METTL8: variants seen among roughly 807,000 people sequenced by gnomAD.
The protein encoded by METTL8 is tRNA N(3)-cytidine methyltransferase METTL8, mitochondrial.
A neutral mutation model predicts 48.7 loss-of-function variants in METTL8; 32 were observed. That is an observed-to-expected ratio of 0.66 (90% confidence interval 0.50 to 0.88). The LOEUF (loss-of-function observed/expected upper bound fraction) is 0.88, where lower values mean the gene tolerates loss of function less well. METTL8 is among the 40% of genes least tolerant of loss of function. The pLI is 0.00. For missense variants in METTL8, 464 were observed against 474.4 expected, an observed-to-expected ratio of 0.98 and a Z score of 0.20; for synonymous variants, 136 against 157.1, an observed-to-expected ratio of 0.87 and a Z score of 1.01.
intron 3 of METTL8, among the ~76,000 whole-genome samples, chr2:171,357,638 G>A (rs1478098495): frequency 6.6e-6 from 1 of 151,668 alleles, no homozygotes; most frequent in African/African-American, 2.4e-5. Flanking sequence ...TGGAATCCCA[G>A]TCAAAATACC....
chr2:171,332,140 C>A (rs1005363395), intron 5 of METTL8: 2 of 301,598 alleles, frequency 6.6e-6, no homozygotes, highest in African/African-American at 2.1e-5. Flanking sequence ...CCTGCCTCAG[C>A]CTCTCAAACT....
chr2:171,365,024 A>G (rs1685572840), intron 2 of METTL8, among the ~76,000 whole-genome samples: 2 of 152,210 alleles, frequency 1.3e-5, no homozygotes, highest in African/African-American at 4.8e-5. Context: ...TCTTAATTCT[A>G]TAACAAAGTG....
intron 9 of METTL8, among the ~76,000 whole-genome samples, chr2:171,325,209 T>A (rs1684828469): frequency 6.6e-6 from 1 of 151,674 alleles, no homozygotes; most frequent in Middle Eastern, 3.2e-3. Flanking sequence ...TTTTTAGACA[T>A]AAGATTCACT....
At chr2:171,374,663 T>TCCC (rs1393807101) in intron 2 of METTL8, among the ~76,000 whole-genome samples, 4 of 135,280 alleles carry the variant, frequency 3.0e-5, no homozygotes, top group Non-Finnish European at 6.3e-5. Context: ...CCTCCCCTTC[T>TCCC]CCCCACTCAC....
At chr2:171,408,348 G>A (rs1051380505) in intron 1 of METTL8, among the ~76,000 whole-genome samples, 8 of 148,934 alleles carry the variant, frequency 5.4e-5, no homozygotes, top group African/African-American at 1.5e-4. Context: ...AGGCTGGAGT[G>A]CAATGGCAAG....
chr2:171,360,556 A>G lies in METTL8; in HGVS notation c.144-43T>C, dbSNP rs775796625. On this transcript the variant is annotated intron_variant, in intron 2 of 9. Transcript: ENST00000375258. ...ACTGTAAAATATGCTTTATCATTGA[A>G]GAAGGCAGAAAAAAGGTGACAAGGA... The G allele has an allele frequency of 4.5e-6, 7 of 1,554,062 alleles. No homozygotes were observed. In the South Asian group the frequency reaches 6.9e-5, roughly 15 times the overall value.
chr2:171,403,667 G>T (rs149514828), intron 1 of METTL8, among the ~76,000 whole-genome samples: 2 of 152,126 alleles, frequency 1.3e-5, no homozygotes, highest in Non-Finnish European at 2.9e-5. Flanking sequence ...GGGAGACGGG[G>T]TATGGACTAT....
chr2:171,339,786 A>G (rs1428445727), intron 3 of METTL8, among the ~76,000 whole-genome samples: 1 of 152,224 alleles, frequency 6.6e-6, no homozygotes, highest in Non-Finnish European at 1.5e-5. Context: ...ACCCCTGTGA[A>G]TCTGCTTTTA....
rs1684423657 is a variant in METTL8, at chr2:171,319,528, T to C, written c.*4644A>G. Reference sequence around the variant, plus strand: ...CTCCAAGAGGGCAGCTATCTGCATATGGGTGAATTTTCACGTACAAGCTAG... The same window carrying C: ...CTCCAAGAGGGCAGCTATCTGCATACGGGTGAATTTTCACGTACAAGCTAG... On this transcript the variant is annotated 3_prime_UTR_variant, in exon 10 of 10. Transcript: ENST00000375258. 1 of 152,228 alleles carries C rather than the reference T, an allele frequency of 6.6e-6. No individual in the cohort carries two copies. Among genetic ancestry groups the C allele is most frequent in the Admixed American group, 6.5e-5 (1 of 15,280 alleles). The allele number at this position is 152,228 out of a possible 1,614,324, so 9.4% of individuals were successfully genotyped here. A position where few individuals can be genotyped will look rare whatever the true frequency, so the allele number is the denominator to read the frequency against.
At chr2:171,374,977 A>C (rs2105512395) in intron 2 of METTL8, 2 of 1,132,758 alleles carry the variant, frequency 1.8e-6, no homozygotes, top group East Asian at 4.7e-5. Flanking sequence ...CACAGGTCTA[A>C]ATCAGGGTGG....
rs999818928 is a variant in METTL8 at position 171,318,378 on chromosome 2, C to A, written c.*5794G>T. On this transcript the variant is annotated 3_prime_UTR_variant, in exon 10 of 10. Transcript: ENST00000375258. The stretch of plus-strand genomic sequence containing the variant: ...TTTCACTCATATTTTATTATGGACA[C>A]CTCCTGATTTCACATATTTTACATT... 2 of 152,202 alleles carry A rather than the reference C, an allele frequency of 1.3e-5. No individual in the cohort carries two copies. Among genetic ancestry groups the A allele is most frequent in the African/African-American group, 4.8e-5 (2 of 41,448 alleles). 9.4% of individuals were successfully genotyped at this position (152,202 alleles called of 1,614,324 possible).
chr2:171,343,868 A>G (rs541231001), intron 3 of METTL8, among the ~76,000 whole-genome samples: 1 of 152,338 alleles, frequency 6.6e-6, no homozygotes, highest in African/African-American at 2.4e-5. Flanking sequence ...CGTTTTAAAC[A>G]TGAGTCTGTA....
rs1687332739 is a variant in METTL8 at position 171,379,779 on chromosome 2, C to T, written c.143+12264G>A. Among the ~76,000 whole-genome samples, 4 of 152,190 alleles carry T rather than the reference C, an allele frequency of 2.6e-5. No homozygotes were observed. The South Asian group carries it at 8.3e-4, about 32-fold the overall frequency. On this transcript the variant is annotated intron_variant, in intron 2 of 9. Coordinates refer to ENST00000375258, the MANE Select transcript of METTL8 (RefSeq NM_001321154.2). ...TAATAGCTTACCAACCAAAAAAAGCCCAGGACCAGATAGATTCACAGCTAA... is the reference window on the plus strand; with the variant it reads ...TAATAGCTTACCAACCAAAAAAAGCTCAGGACCAGATAGATTCACAGCTAA...
At chr2:171,355,279 C>T (rs993428868) in intron 3 of METTL8, among the ~76,000 whole-genome samples, 3 of 152,228 alleles carry the variant, frequency 2.0e-5, no homozygotes, top group African/African-American at 7.2e-5. Flanking sequence ...GGCTGCAGAA[C>T]AGCAAATATT....
intron 2 of METTL8, among the ~76,000 whole-genome samples, chr2:171,378,906 A>G (rs1318631618): frequency 2.6e-5 from 4 of 152,214 alleles, no homozygotes; most frequent in African/African-American, 7.2e-5. Flanking sequence ...GATTAAGCGG[A>G]ACTGATGGAT....
chr2:171,418,239 G>A (rs186439115), intron 1 of METTL8, among the ~76,000 whole-genome samples: 50 of 152,196 alleles, frequency 3.3e-4, no homozygotes, highest in Non-Finnish European at 4.9e-4. Flanking sequence ...CACCGCACCC[G>A]GCCATGTCAT....
intron 4 of METTL8, among the ~76,000 whole-genome samples, chr2:171,337,954 A>G (rs575559063): frequency 6.6e-6 from 1 of 152,350 alleles, no homozygotes; most frequent in South Asian, 2.1e-4. Context: ...GAAAACATTA[A>G]AATAATACTT....
At chr2:171,420,303 C>T (rs1168462747) in intron 1 of METTL8, among the ~76,000 whole-genome samples, 2 of 152,324 alleles carry the variant, frequency 1.3e-5, no homozygotes, top group Non-Finnish European at 2.9e-5. Flanking sequence ...TGGTATGATG[C>T]TCTTCCCGCT....
chr2:171,393,921 A>C (rs1688820516), intron 1 of METTL8, among the ~76,000 whole-genome samples: 1 of 152,254 alleles, frequency 6.6e-6, no homozygotes, highest in Admixed American at 6.5e-5. Flanking sequence ...GCATAGTTAT[A>C]CATACCAACA....
Sources: gnomAD v4.1 joint callset for allele counts (sites outside exome capture counted in the v4.1 genomes callset) on GRCh38, gnomAD v4.1.1 for gene constraint, MANE v1.5 for transcripts, NCBI Gene and HGNC (gene_info 2026-07-23, HGNC 2026-07-21) for gene names.